STX8: variants seen among roughly 807,000 people sequenced by gnomAD.
The protein encoded by STX8 is syntaxin-8.
A neutral mutation model predicts 37.5 loss-of-function variants in STX8; 23 were observed. That is an observed-to-expected ratio of 0.61 (90% CI 0.44 to 0.87). STX8 has a LOEUF of 0.87. STX8 is among the 40% of genes least tolerant of loss of function. The probability of loss-of-function intolerance (pLI) is 0.00; values close to 1 mark genes in which losing one functional copy is unlikely to be tolerated. For synonymous variants in STX8, 115 were observed against 99.1 expected (o/e 1.16, Z -0.95); for missense variants, 313 against 284.7 (o/e 1.10, Z -0.71).
At chr17:9,522,541 C>CAAA (rs33970359) in intron 4 of STX8, among the ~76,000 whole-genome samples, 18 of 66,894 alleles carry the variant, frequency 2.7e-4, no homozygotes, top group African/African-American at 7.2e-4. Context: ...ACTAAAAATC[C>CAAA]AAAAAAAAAA....
intron 6 of STX8, among the ~76,000 whole-genome samples, chr17:9,421,460 T>TTC (rs1225521038): frequency 3.4e-5 from 5 of 147,362 alleles, no homozygotes; most frequent in African/African-American, 1.2e-4. Flanking sequence ...CAGGCATGCC[T>TTC]TCTCTTGCTG....
At chr17:9,459,694 T>A (rs1429109265) in intron 6 of STX8, among the ~76,000 whole-genome samples, 1 of 152,080 alleles carries the variant, frequency 6.6e-6, no homozygotes, top group Non-Finnish European at 1.5e-5. Flanking sequence ...TTTTTGTATT[T>A]TCAGTAGAGA....
At chr17:9,354,695 C>T (rs1910820813) in intron 7 of STX8, among the ~76,000 whole-genome samples, 1 of 152,132 alleles carries the variant, frequency 6.6e-6, no homozygotes, top group Admixed American at 6.5e-5. Context: ...TTAATAATTG[C>T]CTCTCTTTTT....
rs1005417139 is a variant in STX8 at position 9,289,623 on chromosome 17, A to G, written c.644-38978T>C. On this transcript the variant is annotated intron_variant, in intron 7 of 7. Transcript: ENST00000306357. Reference sequence around the variant, plus strand: ...AACCCCATCTCTACTAAAAAAAAAAACAAAAAATCAGCTGGGTGTGGTGGC... The same window carrying G: ...AACCCCATCTCTACTAAAAAAAAAAGCAAAAAATCAGCTGGGTGTGGTGGC... Among the ~76,000 whole-genome samples the G allele has an allele frequency of 3.3e-5, 5 of 151,554 alleles. No homozygotes were observed. The East Asian group carries it at 9.7e-4, about 29-fold the overall frequency.
intron 7 of STX8, among the ~76,000 whole-genome samples, chr17:9,294,961 C>A (rs1164620949): frequency 6.6e-6 from 1 of 152,162 alleles, no homozygotes; most frequent in Admixed American, 6.5e-5. Context: ...CATCTGCAAC[C>A]CAAGGACAGA....
chr17:9,490,346 AGGGCTT>A (rs1906801789), intron 6 of STX8, among the ~76,000 whole-genome samples: 1 of 151,668 alleles, frequency 6.6e-6, no homozygotes, highest in Admixed American at 6.6e-5. Context: ...GTCTATCCCC[AGGGCTT>A]CGATGCTTGC....
rs761137729 is a variant in STX8 at position 9,557,417 on chromosome 17, A to G, written c.212+17T>C. The G allele has an allele frequency of 1.3e-5, 21 of 1,602,504 alleles. No individual in the cohort carries two copies. In the East Asian group the frequency reaches 4.5e-4, roughly 34 times the overall value. On this transcript the variant is annotated intron_variant, in intron 3 of 7. Transcript: ENST00000306357. ...CCTCCCACTCTAGAAAAGAGGTGGA[A>G]ATGTTTACATGGATACATCTGATGT...
In STX8 at chr17:9,507,413, G is replaced by A. The variant is rs991719616; in HGVS notation, c.324-2251C>T. Among the ~76,000 whole-genome samples the A allele has an allele frequency of 1.3e-5, 2 of 151,008 alleles. No homozygotes were observed. Among genetic ancestry groups the A allele is most frequent in the African/African-American group, 4.9e-5 (2 of 40,984 alleles). On this transcript the variant is annotated intron_variant, in intron 4 of 7. Coordinates refer to ENST00000306357, the MANE Select transcript of STX8 (RefSeq NM_004853.3). This position sits in a 1 kb window ranked among gnomAD's most constrained non-coding sequence, Gnocchi z 4.0. Reference sequence around the variant, plus strand: ...CCCGGGTCTGAGAAGCAACTCCTCAGGCCACTCCTGGCAGACATGCCCCCG... The same window carrying A: ...CCCGGGTCTGAGAAGCAACTCCTCAAGCCACTCCTGGCAGACATGCCCCCG...
At chr17:9,513,055 G>C (rs1444011631) in intron 4 of STX8, among the ~76,000 whole-genome samples, 2 of 152,112 alleles carry the variant, frequency 1.3e-5, no homozygotes, top group Non-Finnish European at 2.9e-5. Context: ...AAAAGCTTCT[G>C]CACAGCAAAG....
At chr17:9,548,927 G>A (rs930655096) in intron 3 of STX8, among the ~76,000 whole-genome samples, 1 of 152,168 alleles carries the variant, frequency 6.6e-6, no homozygotes, top group Non-Finnish European at 1.5e-5. Flanking sequence ...GGGTATAAGA[G>A]AGACTGATGT....
intron 7 of STX8, among the ~76,000 whole-genome samples, chr17:9,368,408 G>T (rs549121981): frequency 7.2e-4 from 109 of 152,228 alleles, no homozygotes; most frequent in Admixed American, 1.0e-3. Context: ...GAAGGTTGAG[G>T]CAGGAGAATG....
chr17:9,263,985 A>G (rs1907138431), intron 7 of STX8, among the ~76,000 whole-genome samples: 1 of 152,200 alleles, frequency 6.6e-6, no homozygotes, highest in Non-Finnish European at 1.5e-5. Flanking sequence ...TGGGTCATAA[A>G]GATTACACAC....
intron 6 of STX8, among the ~76,000 whole-genome samples, chr17:9,424,278 A>C (rs918597301): frequency 6.6e-6 from 1 of 151,992 alleles, no homozygotes; most frequent in Non-Finnish European, 1.5e-5. Context: ...GAACTGACGC[A>C]TTCCTCGTTC....
At chr17:9,467,198 T>G (rs945432415) in intron 6 of STX8, 7 of 152,198 alleles carry the variant, frequency 4.6e-5, no homozygotes, top group Non-Finnish European at 7.3e-5. Flanking sequence ...GCCTTTTACA[T>G]GCTTTTAACT....
At chr17:9,426,380 A>T (rs1311193158) in intron 6 of STX8, among the ~76,000 whole-genome samples, 1 of 152,062 alleles carries the variant, frequency 6.6e-6, no homozygotes, top group East Asian at 1.9e-4. Context: ...TACAAAAATT[A>T]GCTGGGCGTG....
intron 7 of STX8, among the ~76,000 whole-genome samples, chr17:9,255,654 G>A (rs1906768537): frequency 6.6e-6 from 1 of 152,140 alleles, no homozygotes; most frequent in East Asian, 1.9e-4. Flanking sequence ...CTGGGTTCTT[G>A]TCCCAAGATG....
At chr17:9,310,769 C>G (rs879859608) in intron 7 of STX8, among the ~76,000 whole-genome samples, 3 of 95,272 alleles carry the variant, frequency 3.1e-5, no homozygotes, top group Non-Finnish European at 4.8e-5. Flanking sequence ...CCCAAGGTCT[C>G]GATGTTAGAG....
At chr17:9,402,391 G>T (rs969300050) in intron 6 of STX8, among the ~76,000 whole-genome samples, 4 of 152,102 alleles carry the variant, frequency 2.6e-5, no homozygotes, top group Non-Finnish European at 5.9e-5. Flanking sequence ...AAAGTGCTGG[G>T]ATTACAGGCG....
At chr17:9,557,382 G>A (rs909352936) in intron 3 of STX8, 52 bp downstream of exon 3, 13 of 1,496,498 alleles carry the variant, frequency 8.7e-6, no homozygotes, top group East Asian at 4.6e-5. Flanking sequence ...CTTAAAATAC[G>A]ACTGCTTTTC....
Sources: gnomAD v4.1 joint callset for allele counts (sites outside exome capture counted in the v4.1 genomes callset) on GRCh38, gnomAD v4.1.1 for gene constraint, Gnocchi (gnomAD v3.1) non-coding constraint, MANE v1.5 for transcripts, NCBI Gene and HGNC (gene_info 2026-07-23, HGNC 2026-07-21) for gene names.